The following CD109 variants were observed in gnomAD, a reference collection of about 807,000 sequenced individuals.
The protein encoded by CD109 is CD109 molecule.
A neutral mutation model predicts 165.8 loss-of-function variants in CD109; 149 were observed. That is an observed-to-expected ratio of 0.90 (90% CI 0.79 to 1.03). CD109 has a LOEUF of 1.03. Ranked by LOEUF, CD109 falls within the 50% of genes least tolerant of loss-of-function variation. The probability of loss-of-function intolerance (pLI) is 0.00; values close to 1 mark genes in which losing one functional copy is unlikely to be tolerated. For synonymous variants in CD109, 585 were observed against 592.1 expected, an observed-to-expected ratio of 0.99 and a Z score of 0.18; for missense variants, 1,712 against 1,677.8, an observed-to-expected ratio of 1.02 and a Z score of -0.36.
chr6:73,697,129 C>T (rs9442946), intron 1 of CD109, among the ~76,000 whole-genome samples: 7,035 of 152,234 alleles, frequency 0.046, 176 homozygotes, highest in East Asian at 0.074. Flanking sequence ...TCCTTCTGTG[C>T]GGTTCGTGGT....
intron 23 of CD109, among the ~76,000 whole-genome samples, chr6:73,793,308 G>A (rs1775039726): frequency 6.6e-6 from 1 of 152,198 alleles, no homozygotes; most frequent in South Asian, 2.1e-4. Context: ...GGACCTGCTG[G>A]ACCCTGAGGA....
At chr6:73,801,965 T>A (rs1036854903) in intron 23 of CD109, among the ~76,000 whole-genome samples, 1 of 152,192 alleles carries the variant, frequency 6.6e-6, no homozygotes, top group South Asian at 2.1e-4. Flanking sequence ...TAATGGTTGC[T>A]TTTTTAGTGA....
At chr6:73,694,686 A>C (rs1582019027), upstream of CD109, 1 of 152,326 alleles carries the variant, frequency 6.6e-6, no homozygotes, top group Non-Finnish European at 1.5e-5. Flanking sequence ...CTCGTTCCAG[A>C]CCTGCCAAGT....
intron 5 of CD109, among the ~76,000 whole-genome samples, chr6:73,742,663 T>C (rs1160355158): frequency 1.3e-5 from 2 of 152,226 alleles, no homozygotes; most frequent in African/African-American, 4.8e-5. Flanking sequence ...ACGGCAGCCC[T>C]GTGCTGTCTT....
intron 11 of CD109, 80 bp from the exon 12 acceptor site, chr6:73,766,679 A>G (rs1773863821): frequency 9.8e-7 from 1 of 1,017,552 alleles, no homozygotes; most frequent in Non-Finnish European, 1.5e-6. Flanking sequence ...TTGGTCTTTA[A>G]TAATTGTTCA....
At chr6:73,740,378 A>G (rs956015057) in intron 5 of CD109, among the ~76,000 whole-genome samples, 1 of 152,180 alleles carries the variant, frequency 6.6e-6, no homozygotes, top group African/African-American at 2.4e-5. Flanking sequence ...TAAGTAAAAC[A>G]TACTTGACGG....
chr6:73,697,085 A>T (rs1386917080), intron 1 of CD109, among the ~76,000 whole-genome samples: 1 of 152,220 alleles, frequency 6.6e-6, no homozygotes, highest in East Asian at 1.9e-4. Context: ...CAATAACTCC[A>T]TTATGCCCCG....
chr6:73,717,611 CTTTTTTTTTTT>C lies in CD109; in HGVS notation c.248-5624_248-5614del, dbSNP rs779915655. 5.3e-4 allele frequency among the ~76,000 whole-genome samples: 40 copies of C among 74,818 alleles called. No individual in the cohort carries two copies. The East Asian group carries it at 0.014, about 26-fold the overall frequency. 49.1% of individuals were successfully genotyped at this position (74,818 alleles called of 152,430 possible). A position where few individuals can be genotyped will look rare whatever the true frequency, so the allele number is the denominator to read the frequency against. On this transcript the variant is annotated intron_variant, in intron 2 of 32. Coordinates refer to ENST00000287097, the MANE Select transcript of CD109 (RefSeq NM_133493.5). ...CTGGCATATAGAAATTCTACTGATT[CTTTTTTTTTTT>C]TTTTTTTTTTTTTTTGAGATGGAGT...
chr6:73,808,388 G>A (rs1350279760), intron 26 of CD109, 140 bp downstream of exon 26: 1 of 753,212 alleles, frequency 1.3e-6, no homozygotes, highest in Non-Finnish European at 2.1e-6. Context: ...ATCAGGATGG[G>A]CCTGACATGG....
At chr6:73,713,089 C>T (rs1771596145) in intron 2 of CD109, among the ~76,000 whole-genome samples, 1 of 152,108 alleles carries the variant, frequency 6.6e-6, no homozygotes, top group Admixed American at 6.5e-5. Flanking sequence ...CCCCACTCTC[C>T]TCCCCGCTGC....
At chr6:73,715,646 A>G (rs936226324) in intron 2 of CD109, among the ~76,000 whole-genome samples, 5 of 152,066 alleles carry the variant, frequency 3.3e-5, no homozygotes, top group African/African-American at 1.2e-4. Flanking sequence ...TGTTGTGGAT[A>G]CATAGAAGAT....
chr6:73,822,285 G>C (rs1422167420), intron 32 of CD109, among the ~76,000 whole-genome samples: 1 of 152,148 alleles, frequency 6.6e-6, no homozygotes, highest in Non-Finnish European at 1.5e-5. Context: ...TCATCACAAT[G>C]CATGAGAAGC....
the CD109 span, among the ~76,000 whole-genome samples, chr6:73,682,345 G>A: frequency 6.6e-6 from 1 of 152,206 alleles, no homozygotes; most frequent in East Asian, 1.9e-4. Context: ...TCCCATGCAA[G>A]TCCAAAATCT....
At chr6:73,695,408 A>G (rs1194123374), upstream of CD109, 2 of 152,280 alleles carry the variant, frequency 1.3e-5, no homozygotes, top group African/African-American at 2.4e-5. Flanking sequence ...AACTGTGTTC[A>G]GAGATTGCTC....
At chr6:73,691,203 G>A (rs139608414), upstream of CD109, among the ~76,000 whole-genome samples, 3 of 152,268 alleles carry the variant, frequency 2.0e-5, no homozygotes, top group East Asian at 5.8e-4. Flanking sequence ...TAGGGAGGGA[G>A]ACTAGAAAGG....
At chr6:73,816,515 G>T (rs1259025555) in intron 30 of CD109, among the ~76,000 whole-genome samples, 1 of 152,170 alleles carries the variant, frequency 6.6e-6, no homozygotes, top group Non-Finnish European at 1.5e-5. Context: ...CTCCCAAAGT[G>T]CTGGGCTTAC....
At chr6:73,731,678 G>C (rs1317969963) in intron 4 of CD109, among the ~76,000 whole-genome samples, 2 of 152,128 alleles carry the variant, frequency 1.3e-5, no homozygotes, top group Non-Finnish European at 2.9e-5. Flanking sequence ...ATCTTAAAAG[G>C]ATCACTGTCA....
At chr6:73,797,255 A>G (rs2150278283) in intron 23 of CD109, among the ~76,000 whole-genome samples, 1 of 152,338 alleles carries the variant, frequency 6.6e-6, no homozygotes, top group Admixed American at 6.5e-5. Context: ...GAACCATAAC[A>G]TGAAAACTGT....
chr6:73,681,366 G>GTGTGTGTAT, the CD109 span, among the ~76,000 whole-genome samples: 2 of 149,678 alleles, frequency 1.3e-5, no homozygotes, highest in Non-Finnish European at 3.0e-5. Flanking sequence ...GTGTGTATGT[G>GTGTGTGTAT]GTGAGACATT....
Sources: gnomAD v4.1 joint callset for allele counts (sites outside exome capture counted in the v4.1 genomes callset) on GRCh38, gnomAD v4.1.1 for gene constraint, MANE v1.5 for transcripts, NCBI Gene and HGNC (gene_info 2026-07-23, HGNC 2026-07-21) for gene names.